Variants in CTPS2 observed in about 807,000 individuals in gnomAD.
CTPS2 encodes CTP synthase II.
Under a neutral mutation model 46.8 loss-of-function variants are expected in CTPS2, and 19 were observed. The observed-to-expected ratio is 0.41, with a 90% CI of 0.28 to 0.60. CTPS2 has a LOEUF of 0.60. Ranked by LOEUF, CTPS2 falls within the 20% of genes least tolerant of loss-of-function variation. CTPS2 has a pLI of 0.35. For synonymous variants in CTPS2, 151 were observed against 165.2 expected (o/e 0.91, Z 0.66); for missense variants, 286 against 447.6 (o/e 0.64, Z 3.26).
intron 14 of CTPS2, chrX:16,638,512 T>C (rs1931878978): frequency 7.4e-6 from 1 of 135,776 alleles, no homozygotes. Flanking sequence ...ATTTATTAAA[T>C]TGAATTAAAG....
In CTPS2 at chrX:16,602,483, G is replaced by A. The variant is rs142860607; in HGVS notation, c.1691+7058C>T. Among the ~76,000 whole-genome samples the A allele has an allele frequency of 3.2e-4, 36 of 111,435 alleles. No homozygotes were observed. In the East Asian group the frequency reaches 9.9e-3, roughly 31 times the overall value. On this transcript the variant is annotated intron_variant, in intron 17 of 18. Coordinates refer to ENST00000359276, the MANE Select transcript of CTPS2 (RefSeq NM_175859.3). ...GTTATACTACCTGATGAGTCCCCAG[G>A]TCAGGGAACATGTTCTTATTTAAGC...
chrX:16,656,900 T>G (rs940264034), intron 13 of CTPS2, among the ~76,000 whole-genome samples: 1 of 111,668 alleles, frequency 9.0e-6, no homozygotes, highest in African/African-American at 3.3e-5. Flanking sequence ...TGTTTTGTTT[T>G]TGAGATAGGG....
At chrX:16,652,997 G>C (rs1441151365) in intron 13 of CTPS2, among the ~76,000 whole-genome samples, 1 of 111,397 alleles carries the variant, frequency 9.0e-6, no homozygotes, top group Non-Finnish European at 1.9e-5. Flanking sequence ...ATCTTCCATA[G>C]AGATGTGCTG....
At chrX:16,705,043 G>A (rs1455129004) in intron 1 of CTPS2, among the ~76,000 whole-genome samples, 4 of 110,194 alleles carry the variant, frequency 3.6e-5, no homozygotes, top group East Asian at 2.8e-4. Context: ...TGCAGGTGCA[G>A]GATGTTAATA....
chrX:16,632,084 T>C lies in CTPS2; in HGVS notation c.1393+7063A>G, dbSNP rs1293210397. On this transcript the variant is annotated intron_variant, in intron 14 of 18. Coordinates refer to ENST00000359276, the MANE Select transcript of CTPS2 (RefSeq NM_175859.3). ...AAAAATCGTCTAATGAGTTAATTAA[T>C]CAACTAATAGCATCACTATAAGGAG... Among the ~76,000 whole-genome samples the C allele has an allele frequency of 8.1e-5, 9 of 111,228 alleles. No individual in the cohort carries two copies. In the East Asian group the frequency reaches 2.5e-3, roughly 31 times the overall value.
At chrX:16,661,993 C>CATATATATATATAT (rs5901592) in intron 13 of CTPS2, among the ~76,000 whole-genome samples, 27 of 85,346 alleles carry the variant, frequency 3.2e-4, no homozygotes, top group African/African-American at 1.1e-3. Flanking sequence ...ATTGTTCATT[C>CATATATATATATAT]ATATATATAT....
chrX:16,599,476 CTTTTTTT>C (rs56794396), intron 17 of CTPS2, among the ~76,000 whole-genome samples: 4 of 86,212 alleles, frequency 4.6e-5, no homozygotes, highest in Non-Finnish European at 6.7e-5. Flanking sequence ...TCTTTTTTTT[CTTTTTTT>C]TTTTTTTTTT....
rs1435639281 is a variant in CTPS2 at position 16,609,604 on chromosome X, A to G, written c.1628T>C (p.Leu543Pro). ...PMKPSPPYLG[L>P]LLAATGNLNA... ...CAGGTTCCCAGTTGCTGCAAGTAAC[A>G]GCCCCAGATACGGAGGGGAAGGCTT... Residue 543 changes from leucine (L) to proline (P), a missense_variant, in exon 17 of 19, where the codon CTG becomes CCG. Physicochemically the swap from Leu to Pro is moderately conservative, Grantham distance 98 (BLOSUM62 -3). Transcript: ENST00000359276. 2 of 1,209,184 alleles carry G rather than the reference A, an allele frequency of 1.7e-6. No individual in the cohort carries two copies. Among genetic ancestry groups the G allele is most frequent in the East Asian group, 3.0e-5 (1 of 33,787 alleles).
chrX:16,688,038 G>A (rs893430121), intron 8 of CTPS2, among the ~76,000 whole-genome samples: 4 of 111,104 alleles, frequency 3.6e-5, no homozygotes, highest in East Asian at 2.8e-4. Flanking sequence ...ACCTACATAC[G>A]TAACAGCTGC....
intron 2 of CTPS2, 31 bp downstream of exon 2, chrX:16,702,706 G>C: frequency 8.5e-7 from 1 of 1,180,212 alleles, no homozygotes; most frequent in Non-Finnish European, 1.2e-6. Flanking sequence ...TGAGCCTAGT[G>C]CTATAAGGGG....
At chrX:16,642,986 T>G (rs1932151100) in intron 13 of CTPS2, among the ~76,000 whole-genome samples, 1 of 112,086 alleles carries the variant, frequency 8.9e-6, no homozygotes, top group Non-Finnish European at 1.9e-5. Context: ...ATTTGTCCTC[T>G]CTTGGAACTG....
chrX:16,692,015 G>A (rs948718184), intron 6 of CTPS2, among the ~76,000 whole-genome samples: 8 of 111,815 alleles, frequency 7.2e-5, no homozygotes, highest in Non-Finnish European at 1.5e-4. Flanking sequence ...ATATGTAAAT[G>A]AATGGGTGTG....
chrX:16,590,609 G>A (rs911093022), intron 18 of CTPS2, 143 bp downstream of exon 18: 10 of 373,654 alleles, frequency 2.7e-5, no homozygotes, highest in East Asian at 2.5e-4. Flanking sequence ...GCTGTCATGC[G>A]TGTCCTGCTA....
intron 13 of CTPS2, among the ~76,000 whole-genome samples, chrX:16,656,526 C>T (rs1932824332): frequency 9.0e-6 from 1 of 110,873 alleles, no homozygotes; most frequent in Admixed American, 9.6e-5. Flanking sequence ...TCTCCTGCCT[C>T]AGCCTCCCGA....
At chrX:16,668,323 C>A (rs1056913595) in intron 11 of CTPS2, among the ~76,000 whole-genome samples, 1 of 105,457 alleles carries the variant, frequency 9.5e-6, no homozygotes, top group Non-Finnish European at 1.9e-5. Flanking sequence ...ACTTGTAATC[C>A]CAGCGCTTTG....
chrX:16,604,928 G>C (rs1357518314), intron 17 of CTPS2, among the ~76,000 whole-genome samples: 2 of 112,031 alleles, frequency 1.8e-5, no homozygotes. Flanking sequence ...TTTCCCATTT[G>C]ATTTTTTTAT....
chrX:16,711,032 G>C (rs112868045), intron 1 of CTPS2, among the ~76,000 whole-genome samples: 1 of 112,157 alleles, frequency 8.9e-6, no homozygotes, highest in African/African-American at 3.2e-5. Flanking sequence ...GTCAAGACAA[G>C]TTTTTCATTT....
intron 13 of CTPS2, among the ~76,000 whole-genome samples, chrX:16,645,986 T>G (rs1209708445): frequency 8.9e-6 from 1 of 112,704 alleles, no homozygotes; most frequent in Non-Finnish European, 1.9e-5. Flanking sequence ...CCTCCAGAAC[T>G]GTGAGGAAAT....
At chrX:16,631,959 T>G (rs191161016) in intron 14 of CTPS2, among the ~76,000 whole-genome samples, 1 of 112,247 alleles carries the variant, frequency 8.9e-6, no homozygotes, top group East Asian at 2.8e-4. Flanking sequence ...CACCTGAGCC[T>G]GATCCCTCCA....
Sources: allele counts gnomAD v4.1 joint callset (sites outside exome capture counted in the v4.1 genomes callset), GRCh38; gene constraint gnomAD v4.1.1; transcripts MANE v1.5; gene names NCBI Gene and HGNC (gene_info 2026-07-23, HGNC 2026-07-21).